Variants in RAD51B observed in about 807,000 individuals in gnomAD.
RAD51B encodes the protein RAD51 paralog B.
Under a neutral mutation model 42.2 loss-of-function variants are expected in RAD51B, and 38 were observed. That is an observed-to-expected ratio of 0.90 (90% CI 0.70 to 1.18). The LOEUF is 1.18. Among genes scored for constraint, RAD51B ranks in the 50% most tolerant of loss-of-function variants. The pLI is 0.00. For missense variants in RAD51B, 373 were observed against 400.7 expected, an observed-to-expected ratio of 0.93 and a Z score of 0.59; for synonymous variants, 154 against 145.2, an observed-to-expected ratio of 1.06 and a Z score of -0.43.
At chr14:67,962,999 A>AT (rs2074700928) in intron 7 of RAD51B, among the ~76,000 whole-genome samples, 3 of 152,084 alleles carry the variant, frequency 2.0e-5, no homozygotes, top group Non-Finnish European at 4.4e-5. Context: ...GGTTTTGATC[A>AT]TTTTTCTTAA....
intron 7 of RAD51B, among the ~76,000 whole-genome samples, chr14:68,189,978 A>C (rs1460708118): frequency 6.6e-6 from 1 of 152,148 alleles, no homozygotes; most frequent in African/African-American, 2.4e-5. Flanking sequence ...CCTTAAATTT[A>C]AATTCCCTTA....
intron 10 of RAD51B, among the ~76,000 whole-genome samples, chr14:68,568,701 CA>C (rs1221269061): frequency 6.6e-6 from 1 of 152,202 alleles, no homozygotes; most frequent in African/African-American, 2.4e-5. Flanking sequence ...TGGGCAACCT[CA>C]GGAACGGGCA....
At chr14:68,044,050 C>CA (rs1181585703) in intron 7 of RAD51B, among the ~76,000 whole-genome samples, 10 of 152,124 alleles carry the variant, frequency 6.6e-5, no homozygotes, top group Admixed American at 6.5e-4. Flanking sequence ...AGCATGATGA[C>CA]AAAAACAGGT....
intron 10 of RAD51B, among the ~76,000 whole-genome samples, chr14:68,524,943 A>G (rs749098828): frequency 7.2e-5 from 11 of 152,206 alleles, no homozygotes; most frequent in Non-Finnish European, 1.2e-4. Flanking sequence ...GGCCTGTGAT[A>G]GGCAGAGTAA....
At chr14:68,217,904 T>C (rs367604459) in intron 7 of RAD51B, among the ~76,000 whole-genome samples, 2 of 152,340 alleles carry the variant, frequency 1.3e-5, no homozygotes, top group African/African-American at 4.8e-5. Context: ...AAGATTAGTC[T>C]CTAATAAGTA....
rs557894069 is a variant in RAD51B at position 68,115,543 on chromosome 14, A to T, written c.757-176341A>T. On this transcript the variant is annotated intron_variant, in intron 7 of 10. Transcript: ENST00000471583. ...ACATGTACCCTAAAACTTAAAGTAT[A>T]AAAAAAAAAAAAAAAAAAGACACCA... Among the ~76,000 whole-genome samples the T allele has an allele frequency of 3.3e-3, 361 of 108,976 alleles. 3 individuals are homozygous for T. The highest frequency in any genetic ancestry group is 0.023 in the African/African-American group (332 of 14,348). The allele number at this position is 108,976 out of a possible 152,430, so 71.5% of individuals were successfully genotyped here.
At chr14:68,142,920 GGGCTTGCA>G (rs1022800315) in intron 7 of RAD51B, among the ~76,000 whole-genome samples, 1 of 151,888 alleles carries the variant, frequency 6.6e-6, no homozygotes, top group African/African-American at 2.4e-5. Context: ...AAGGGGTTGG[GGGCTTGCA>G]GTGAGCTGAG....
chr14:68,410,431 A>G (rs1283928129), intron 8 of RAD51B, among the ~76,000 whole-genome samples: 2 of 152,210 alleles, frequency 1.3e-5, no homozygotes, highest in Non-Finnish European at 2.9e-5. Context: ...TTCAACCTCT[A>G]TGTAGTCTCC....
intron 9 of RAD51B, among the ~76,000 whole-genome samples, chr14:68,440,753 A>G (rs1012174148): frequency 6.6e-6 from 1 of 152,006 alleles, no homozygotes; most frequent in Non-Finnish European, 1.5e-5. Flanking sequence ...TCTCAAAAAA[A>G]AAAGAAAGAA....
rs117396894 is a variant in RAD51B, at chr14:68,121,938, A to G, written c.757-169946A>G. ...AATAAATGTGGAAGGAGTATAAGAT[A>G]TATATACATATCTTATATATATATA... On this transcript the variant is annotated intron_variant, in intron 7 of 10. Transcript: ENST00000471583. Among the ~76,000 whole-genome samples, 71 of 151,950 alleles carry G rather than the reference A, an allele frequency of 4.7e-4. 3 individuals are homozygous for G. In the East Asian group the frequency reaches 0.013, roughly 28 times the overall value.
chr14:68,199,041 C>G (rs182295139), intron 7 of RAD51B, among the ~76,000 whole-genome samples: 104 of 152,328 alleles, frequency 6.8e-4, no homozygotes, highest in African/African-American at 2.3e-3. Flanking sequence ...TCGTAGATAG[C>G]TAATCTGCCC....
intron 3 of RAD51B, 30 bp from the exon 4 acceptor site, chr14:67,835,050 G>GAAA: frequency 6.5e-7 from 1 of 1,530,028 alleles, no homozygotes; most frequent in Non-Finnish European, 9.0e-7. Flanking sequence ...TATAGAGGTT[G>GAAA]AAAAAAAACT....
At chr14:68,431,668 G>A (rs2085011320) in intron 9 of RAD51B, among the ~76,000 whole-genome samples, 1 of 152,020 alleles carries the variant, frequency 6.6e-6, no homozygotes, top group South Asian at 2.1e-4. Flanking sequence ...CTTGCTAGTG[G>A]TCTATCAATT....
chr14:68,411,848 G>A (rs2084430057), intron 9 of RAD51B, among the ~76,000 whole-genome samples: 1 of 152,154 alleles, frequency 6.6e-6, no homozygotes. Context: ...GATTGTATTT[G>A]TTGAGGACTA....
chr14:68,190,784 G>T (rs899374932), intron 7 of RAD51B, among the ~76,000 whole-genome samples: 1 of 152,124 alleles, frequency 6.6e-6, no homozygotes, highest in Non-Finnish European at 1.5e-5. Flanking sequence ...GTCCATTTAG[G>T]ATGTAATCTG....
chr14:68,400,592 G>T (rs1224713761), intron 8 of RAD51B, among the ~76,000 whole-genome samples: 1 of 152,178 alleles, frequency 6.6e-6, no homozygotes, highest in Admixed American at 6.5e-5. Context: ...GAGCAGGAAA[G>T]CAAAGCTCAT....
At chr14:68,622,726 A>AAG (rs1243923293) in intron 10 of RAD51B, among the ~76,000 whole-genome samples, 3 of 93,780 alleles carry the variant, frequency 3.2e-5, no homozygotes, top group Admixed American at 2.0e-4. Flanking sequence ...CCATTTACAA[A>AAG]AAAAAAAAAA....
intron 7 of RAD51B, among the ~76,000 whole-genome samples, chr14:68,087,676 A>G (rs1017461823): frequency 2.6e-5 from 4 of 151,312 alleles, no homozygotes; most frequent in African/African-American, 9.7e-5. Flanking sequence ...TACTCTCTGT[A>G]ACATTACCTG....
chr14:68,255,980 A>G (rs1320744238), intron 7 of RAD51B, among the ~76,000 whole-genome samples: 1 of 152,258 alleles, frequency 6.6e-6, no homozygotes, highest in African/African-American at 2.4e-5. Context: ...TTTGCCAATC[A>G]GATTGCTCCA....
Sources: gnomAD v4.1 joint callset for allele counts (sites outside exome capture counted in the v4.1 genomes callset) on GRCh38, gnomAD v4.1.1 for gene constraint, MANE v1.5 for transcripts, NCBI Gene and HGNC (gene_info 2026-07-23, HGNC 2026-07-21) for gene names.